The following AKAP19 variants were observed in gnomAD, a reference collection of about 807,000 sequenced individuals.
AKAP19 encodes the protein small A-kinase anchoring protein.
chr2:189,982,685 T>C, the AKAP19 span, among the ~76,000 whole-genome samples: 2 of 152,158 alleles, frequency 1.3e-5, no homozygotes, highest in African/African-American at 2.4e-5. Flanking sequence ...TTTTACATTT[T>C]TTAATCCTTT....
chr2:189,940,427 C>CGG, the AKAP19 span, among the ~76,000 whole-genome samples: 2,573 of 149,932 alleles, frequency 0.017, 45 homozygotes, highest in Non-Finnish European at 0.03. Flanking sequence ...GCCTGGGCAA[C>CGG]GGGGGGGAAA....
chr2:189,914,193 T>G, the AKAP19 span, among the ~76,000 whole-genome samples: 13 of 152,082 alleles, frequency 8.5e-5, no homozygotes, highest in African/African-American at 2.9e-4. Flanking sequence ...ATTATAGAAT[T>G]TCTTAGTTAA....
chr2:190,123,978 G>A, the AKAP19 span, among the ~76,000 whole-genome samples: 6 of 152,196 alleles, frequency 3.9e-5, no homozygotes, highest in South Asian at 4.1e-4. Context: ...GAACTCCAGG[G>A]ATTTCTGGAC....
At chr2:190,103,544 A>G in the AKAP19 span, among the ~76,000 whole-genome samples, 1 of 152,240 alleles carries the variant, frequency 6.6e-6, no homozygotes, top group Non-Finnish European at 1.5e-5. Flanking sequence ...ATACACCAAT[A>G]TTGTTCAGGC....
chr2:190,027,567 C>G, the AKAP19 span, among the ~76,000 whole-genome samples: 2 of 152,148 alleles, frequency 1.3e-5, no homozygotes, highest in African/African-American at 4.8e-5. Context: ...GCTGGTGATA[C>G]TCTAATATTT....
At chr2:190,012,658 T>C in the AKAP19 span, among the ~76,000 whole-genome samples, 2 of 152,320 alleles carry the variant, frequency 1.3e-5, no homozygotes, top group South Asian at 4.1e-4. Context: ...TGAATAGAAA[T>C]GATGGGAATG....
chr2:190,099,303 T>C, the AKAP19 span, among the ~76,000 whole-genome samples: 1 of 152,200 alleles, frequency 6.6e-6, no homozygotes. Flanking sequence ...ACTCAGCCAC[T>C]TAAAGACCAT....
At chr2:190,064,801 G>A in the AKAP19 span, among the ~76,000 whole-genome samples, 1 of 152,112 alleles carries the variant, frequency 6.6e-6, no homozygotes, top group Non-Finnish European at 1.5e-5. Flanking sequence ...AATTTTCTAA[G>A]GCAGCCAGGT....
the AKAP19 span, among the ~76,000 whole-genome samples, chr2:189,963,520 C>T: frequency 6.6e-6 from 1 of 152,000 alleles, no homozygotes; most frequent in Non-Finnish European, 1.5e-5. Flanking sequence ...ATTGCTATTG[C>T]TACTTCTCTT....
chr2:190,065,166 C>G, the AKAP19 span, among the ~76,000 whole-genome samples: 1 of 151,988 alleles, frequency 6.6e-6, no homozygotes, highest in Non-Finnish European at 1.5e-5. Context: ...TATTGCTCCT[C>G]TTATTGATTT....
At chr2:190,167,834 T>A in the AKAP19 span, among the ~76,000 whole-genome samples, 1 of 152,152 alleles carries the variant, frequency 6.6e-6, no homozygotes, top group African/African-American at 2.4e-5. Flanking sequence ...GGGTACATCC[T>A]CCCTCCTGGC....
the AKAP19 span, chr2:190,180,997 G>T: frequency 7.1e-6 from 7 of 985,722 alleles, no homozygotes; most frequent in Non-Finnish European, 8.4e-6. The surrounding 1 kb of genome is among the most constrained non-coding windows in gnomAD (Gnocchi z 6.8). Flanking sequence ...TCCCACGACA[G>T]GGCTGCTCCG....
the AKAP19 span, among the ~76,000 whole-genome samples, chr2:190,163,467 A>C: frequency 6.6e-6 from 1 of 150,804 alleles, no homozygotes; most frequent in African/African-American, 2.5e-5. Context: ...AAAAAAAAAA[A>C]AACTGAGTCT....
the AKAP19 span, among the ~76,000 whole-genome samples, chr2:189,942,638 T>C: frequency 5.3e-5 from 8 of 152,226 alleles, no homozygotes; most frequent in Non-Finnish European, 7.3e-5. Context: ...TCTTAGACAC[T>C]GATTAAATTT....
the AKAP19 span, among the ~76,000 whole-genome samples, chr2:190,179,324 T>C: frequency 6.6e-6 from 1 of 151,942 alleles, no homozygotes; most frequent in Non-Finnish European, 1.5e-5. The surrounding 1 kb of genome is among the most constrained non-coding windows in gnomAD (Gnocchi z 6.0). Flanking sequence ...GGAGAATCGC[T>C]TGAACCTGGG....
At chr2:190,165,303 G>C in the AKAP19 span, among the ~76,000 whole-genome samples, 1 of 152,060 alleles carries the variant, frequency 6.6e-6, no homozygotes, top group Non-Finnish European at 1.5e-5. Flanking sequence ...TGGGCATGGT[G>C]GTGGGCGCCT....
At chr2:190,143,160 C>T in the AKAP19 span, among the ~76,000 whole-genome samples, 2 of 151,822 alleles carry the variant, frequency 1.3e-5, no homozygotes, top group Non-Finnish European at 2.9e-5. Flanking sequence ...CCAGCTTGGT[C>T]CACACCTTGT....
the AKAP19 span, among the ~76,000 whole-genome samples, chr2:190,183,995 T>C: frequency 8.5e-5 from 13 of 152,152 alleles, no homozygotes; most frequent in South Asian, 1.5e-3. Flanking sequence ...ACTTTCCATA[T>C]AGTAAGTATA....
At chr2:189,931,382 G>T in the AKAP19 span, among the ~76,000 whole-genome samples, 1 of 152,044 alleles carries the variant, frequency 6.6e-6, no homozygotes, top group African/African-American at 2.4e-5. Flanking sequence ...TTATTTTGAA[G>T]ACAGAGTCGC....
Sources: allele counts gnomAD v4.1 joint callset (sites outside exome capture counted in the v4.1 genomes callset), GRCh38; gene constraint gnomAD v4.1.1; non-coding constraint Gnocchi (gnomAD v3.1); transcripts MANE v1.5; gene names NCBI Gene and HGNC (gene_info 2026-07-23, HGNC 2026-07-21).